Variants in CEP192 observed in about 807,000 individuals in gnomAD.
CEP192 encodes centrosomal protein of 192 kDa.
A neutral mutation model predicts 271.8 loss-of-function variants in CEP192; 151 were observed. The observed-to-expected ratio is 0.56, with a 90% CI of 0.49 to 0.64. The LOEUF (loss-of-function observed/expected upper bound fraction) is 0.64. CEP192 is among the 30% of genes least tolerant of loss of function. The probability of loss-of-function intolerance (pLI) is 0.00; values close to 1 mark genes in which losing one functional copy is unlikely to be tolerated. For missense variants in CEP192, 2,910 were observed against 3,020.5 expected, an observed-to-expected ratio of 0.96 and a Z score of 0.86; for synonymous variants, 995 against 1,076.5, an observed-to-expected ratio of 0.92 and a Z score of 1.48.
intron 6 of CEP192, among the ~76,000 whole-genome samples, chr18:13,016,346 G>T (rs1402374799): frequency 6.6e-6 from 1 of 152,142 alleles, no homozygotes; most frequent in Non-Finnish European, 1.5e-5. Flanking sequence ...ACAGCCAGGG[G>T]TTTTGTGTGG....
At chr18:13,007,945 G>A (rs1180296276) in intron 3 of CEP192, among the ~76,000 whole-genome samples, 2 of 152,212 alleles carry the variant, frequency 1.3e-5, no homozygotes, top group Non-Finnish European at 2.9e-5. Flanking sequence ...AGCTTTTGGA[G>A]TAGGGTGGGA....
At chr18:13,007,430 C>T (rs2034054127) in intron 3 of CEP192, among the ~76,000 whole-genome samples, 1 of 152,116 alleles carries the variant, frequency 6.6e-6, no homozygotes, top group Admixed American at 6.5e-5. Flanking sequence ...CTCTAAAGTT[C>T]TGGTGGTCAT....
chr18:13,060,929 GA>G (rs10716258), intron 21 of CEP192, among the ~76,000 whole-genome samples: 102,271 of 148,206 alleles, frequency 0.69, 35,554 homozygotes, highest in African/African-American at 0.83. Flanking sequence ...GTCTTAAAAG[GA>G]AAAAAAAAAA....
chr18:13,087,419 C>T (rs188806669), intron 31 of CEP192, 112 bp from the exon 32 acceptor site: 68 of 917,504 alleles, frequency 7.4e-5, no homozygotes, highest in African/African-American at 2.7e-4. Flanking sequence ...AAATGCCATG[C>T]GTATGCACTT....
rs184654300 is a variant in CEP192 at position 13,002,807 on chromosome 18, G to A, written c.290+1225G>A. On this transcript the variant is annotated intron_variant, in intron 3 of 44. Transcript: ENST00000506447. ...TTTCTGTGTTTAAATTTGTATTTGC[G>A]TATTTATGGGATTGAACCTACTTTA... Among the ~76,000 whole-genome samples the A allele has an allele frequency of 3.7e-3, 556 of 150,706 alleles. 3 individuals carry two copies. Among genetic ancestry groups the A allele is most frequent in the African/African-American group, 0.013 (529 of 40,074 alleles).
intron 36 of CEP192, among the ~76,000 whole-genome samples, chr18:13,097,858 G>T (rs1318665842): frequency 1.3e-5 from 2 of 151,986 alleles, no homozygotes; most frequent in African/African-American, 4.8e-5. Flanking sequence ...TAACGAACAT[G>T]CTGCCTTCAA....
chr18:13,087,298 G>C, intron 31 of CEP192, 21 bp downstream of exon 31: 1 of 1,556,438 alleles, frequency 6.4e-7, no homozygotes, highest in Non-Finnish European at 8.7e-7. Context: ...AAGTTTCTGT[G>C]CTAAAAACAT....
chr18:13,042,401 G>A (rs374988122), intron 15 of CEP192, 67 bp downstream of exon 15: 17 of 1,494,380 alleles, frequency 1.1e-5, no homozygotes, highest in African/African-American at 2.8e-5. Flanking sequence ...GGATCAAGAC[G>A]AGATCACCTG....
At chr18:13,124,457 C>G in intron 44 of CEP192, 175 bp from the exon 45 acceptor site, 1 of 535,846 alleles carries the variant, frequency 1.9e-6, no homozygotes, top group Non-Finnish European at 3.1e-6. Flanking sequence ...GTTTTTCTCT[C>G]CTTTGTGTTA....
At chr18:12,992,681 A>G (rs1373958362) in intron 1 of CEP192, among the ~76,000 whole-genome samples, 1 of 152,200 alleles carries the variant, frequency 6.6e-6, no homozygotes, top group Non-Finnish European at 1.5e-5. Context: ...TTTTCTGGAG[A>G]AGAGACTAGG....
intron 30 of CEP192, among the ~76,000 whole-genome samples, chr18:13,083,175 T>G (rs2038715417): frequency 6.6e-6 from 1 of 152,244 alleles, no homozygotes; most frequent in African/African-American, 2.4e-5. Context: ...CCTGCCTTGC[T>G]AGGTGGGGAA....
At chr18:13,021,468 A>G (rs990132997) in intron 9 of CEP192, among the ~76,000 whole-genome samples, 1 of 152,174 alleles carries the variant, frequency 6.6e-6, no homozygotes, top group African/African-American at 2.4e-5. Flanking sequence ...CCATTGGTCT[A>G]TTTGTCTGTC....
At position 13,095,487 on chromosome 18, in the gene CEP192, T is replaced by C; in HGVS notation, c.6255-16T>C. The C allele has an allele frequency of 1.3e-6, 2 of 1,582,552 alleles. No individual in the cohort carries two copies. The highest frequency in any genetic ancestry group is 1.7e-6 in the Non-Finnish European group (2 of 1,167,166). On this transcript the variant is annotated splice_polypyrimidine_tract_variant and intron_variant, in intron 34 of 44. Coordinates refer to ENST00000506447, the MANE Select transcript of CEP192 (RefSeq NM_032142.4). ...TTCTTCATGTCTAACTTTTTCATTT[T>C]TAAATAATTTTTTAGCGACTTGGGA...
chr18:13,030,754 C>A, intron 11 of CEP192, 146 bp downstream of exon 11: 1 of 629,076 alleles, frequency 1.6e-6, no homozygotes, highest in East Asian at 2.8e-5. Flanking sequence ...TTATAGGACC[C>A]AAGGTTTTAG....
intron 30 of CEP192, among the ~76,000 whole-genome samples, chr18:13,086,421 A>T (rs2038899817): frequency 6.6e-6 from 1 of 152,214 alleles, no homozygotes; most frequent in Non-Finnish European, 1.5e-5. Context: ...TACTGTGTTG[A>T]ATAGGAGTGG....
At chr18:13,083,035 T>C (rs1387775433) in intron 30 of CEP192, among the ~76,000 whole-genome samples, 3 of 152,204 alleles carry the variant, frequency 2.0e-5, no homozygotes, top group Non-Finnish European at 4.4e-5. Context: ...CCGACCTTTG[T>C]CTCTGGCTGC....
intron 5 of CEP192, among the ~76,000 whole-genome samples, chr18:13,014,643 A>G (rs2034542622): frequency 6.6e-6 from 1 of 152,226 alleles, no homozygotes; most frequent in South Asian, 2.1e-4. Flanking sequence ...AGTAGATTAT[A>G]GTAGTCCTTG....
intron 15 of CEP192, among the ~76,000 whole-genome samples, chr18:13,047,221 T>C (rs1357518694): frequency 6.6e-6 from 1 of 152,172 alleles, no homozygotes; most frequent in Admixed American, 6.5e-5. Flanking sequence ...TTTATTGGAA[T>C]TGAGCTGATT....
intron 26 of CEP192, 101 bp downstream of exon 26, chr18:13,069,282 G>T: frequency 1.1e-6 from 1 of 929,746 alleles, no homozygotes; most frequent in East Asian, 2.4e-5. Context: ...CCAACAGAGT[G>T]CCCTGAACCT....
Sources: gnomAD v4.1 joint callset for allele counts (sites outside exome capture counted in the v4.1 genomes callset) on GRCh38, gnomAD v4.1.1 for gene constraint, MANE v1.5 for transcripts, NCBI Gene and HGNC (gene_info 2026-07-23, HGNC 2026-07-21) for gene names.